Variants in KIAA1549 observed in about 807,000 individuals in gnomAD.
KIAA1549 encodes KIAA1549, also known as UPF0606 protein KIAA1549.
Under a neutral mutation model 156.4 loss-of-function variants are expected in KIAA1549, and 70 were observed. The ratio of observed to expected loss-of-function variants is 0.45; its 90% CI spans 0.37 to 0.55. KIAA1549 has a LOEUF of 0.55. Ranked by LOEUF, KIAA1549 falls within the 20% of genes least tolerant of loss-of-function variation. The probability of loss-of-function intolerance (pLI) is 0.00; values close to 1 mark genes in which losing one functional copy is unlikely to be tolerated. For synonymous variants in KIAA1549, 1,103 were observed against 1,066.4 expected, an observed-to-expected ratio of 1.03 and a Z score of -0.67; for missense variants, 2,428 against 2,540.9, an observed-to-expected ratio of 0.96 and a Z score of 0.96.
chr7:138,900,952 A>G (rs1463098447), intron 8 of KIAA1549, among the ~76,000 whole-genome samples: 1 of 152,228 alleles, frequency 6.6e-6, no homozygotes, highest in Non-Finnish European at 1.5e-5. Flanking sequence ...GGCAACATCA[A>G]TGGACTAAGA....
In KIAA1549 at chr7:138,838,080, A is replaced by G. The variant is rs1200723931; in HGVS notation, c.5679T>C (p.Ala1893=). The G allele has an allele frequency of 1.3e-6, 2 of 1,583,940 alleles. No individual in the cohort carries two copies. Among genetic ancestry groups the G allele is most frequent in the Non-Finnish European group, 1.7e-6 (2 of 1,166,438 alleles). The change falls in exon 20 of 20, where the codon GCT becomes GCC. Residue 1893 remains alanine (A), a synonymous_variant. Transcript: ENST00000422774. ...CCCGGTGGGGGAGGTTCCCGGAAGG[A>G]GCTGAGGGCTCCCTGCCTGAAGTCC... ...VPRTSGREPS[A]PSGNLPHRGL... is the part of the protein sequence containing the mutation.
chr7:138,945,786 G>A (rs1460685853), intron 1 of KIAA1549, among the ~76,000 whole-genome samples: 1 of 152,098 alleles, frequency 6.6e-6, no homozygotes, highest in East Asian at 1.9e-4. Flanking sequence ...TCACGGCTCG[G>A]CATAGTGGCT....
chr7:138,837,191 T>C lies in KIAA1549; in HGVS notation c.*715A>G, dbSNP rs1252536649. On this transcript the variant is annotated 3_prime_UTR_variant, in exon 20 of 20. Coordinates refer to ENST00000422774, the MANE Select transcript of KIAA1549 (RefSeq NM_001164665.2). Reference sequence around the variant, plus strand: ...CCCACTTTGGGAGGGATTTTTTTTTTCTAGAACAAAATGAAACCTTCAACA... The same window carrying C: ...CCCACTTTGGGAGGGATTTTTTTTTCCTAGAACAAAATGAAACCTTCAACA... The C allele has an allele frequency of 4.4e-6, 1 of 226,432 alleles. No homozygotes were observed. Among genetic ancestry groups the C allele is most frequent in the East Asian group, 6.4e-5 (1 of 15,614 alleles). The allele number at this position is 226,432 out of a possible 1,614,324, so 14.0% of individuals were successfully genotyped here.
chr7:138,895,271 T>C (rs7792926), intron 9 of KIAA1549, among the ~76,000 whole-genome samples: 51,797 of 152,106 alleles, frequency 0.34, 11,662 homozygotes, highest in African/African-American at 0.65. Context: ...ATACGACATG[T>C]GCACCAGTGC....
intron 17 of KIAA1549, among the ~76,000 whole-genome samples, chr7:138,849,518 G>C (rs528447840): frequency 2.8e-4 from 42 of 151,732 alleles, no homozygotes; most frequent in African/African-American, 8.5e-4. Context: ...TTACTTACAA[G>C]AGTACTAATT....
At chr7:138,944,697 A>G (rs1394969838) in intron 1 of KIAA1549, among the ~76,000 whole-genome samples, 3 of 152,258 alleles carry the variant, frequency 2.0e-5, no homozygotes. Flanking sequence ...CATAAAATGC[A>G]ATACTATTCA....
chr7:138,890,679 A>G (rs1165205558), intron 10 of KIAA1549, among the ~76,000 whole-genome samples: 1 of 152,226 alleles, frequency 6.6e-6, no homozygotes, highest in Non-Finnish European at 1.5e-5. Context: ...AGAATCAAAC[A>G]GCAACCATAG....
chr7:138,905,182 A>C, intron 6 of KIAA1549, 101 bp from the exon 7 acceptor site: 1 of 785,206 alleles, frequency 1.3e-6, no homozygotes, highest in South Asian at 1.5e-5. Flanking sequence ...TTTAGCTCTA[A>C]ATGTGAAAGA....
intron 16 of KIAA1549, among the ~76,000 whole-genome samples, chr7:138,854,818 A>G (rs1014696632): frequency 2.0e-5 from 3 of 152,214 alleles, no homozygotes; most frequent in African/African-American, 7.2e-5. Context: ...ATAAGGCATT[A>G]TCAGGGAATC....
At chr7:138,888,923 T>G (rs1425914722) in intron 10 of KIAA1549, among the ~76,000 whole-genome samples, 1 of 152,230 alleles carries the variant, frequency 6.6e-6, no homozygotes, top group African/African-American at 2.4e-5. Context: ...CAGCTGATGA[T>G]AAAAATCCTA....
intron 1 of KIAA1549, among the ~76,000 whole-genome samples, chr7:138,976,844 C>T (rs1814394822): frequency 6.6e-6 from 1 of 152,176 alleles, no homozygotes; most frequent in African/African-American, 2.4e-5. Flanking sequence ...ATGAAGATTC[C>T]CAGGCACTGC....
Position 138,912,449 on chromosome 7 carries a change from T to C in KIAA1549, c.2890A>G (p.Arg964Gly). The change falls in exon 3 of 20, where the codon AGA becomes GGA. Residue 964 changes from arginine to glycine, a missense_variant. By Grantham distance (125) the Arg-to-Gly change is moderately radical. Around this residue, in one of 5 missense-constraint regions of KIAA1549, gnomAD observed 762 missense variants for 901.6 expected, o/e 0.85. Coordinates refer to ENST00000422774, the MANE Select transcript of KIAA1549 (RefSeq NM_001164665.2). Reference sequence around the variant, plus strand: ...GTAATGATGTACTCCTGCACAGCTCTTCTGGCCAGCACTGCAAATGAAAGC... The same window carrying C: ...GTAATGATGTACTCCTGCACAGCTCCTCTGGCCAGCACTGCAAATGAAAGC... ...AYLITTVLAR[R>G]AVQEYIITAI... 6.2e-7 allele frequency: 1 copy of C among 1,613,742 alleles called. No homozygotes were observed. The highest frequency in any genetic ancestry group is 8.5e-7 in the Non-Finnish European group (1 of 1,179,726).
intron 10 of KIAA1549, among the ~76,000 whole-genome samples, chr7:138,886,505 G>T (rs1811394777): frequency 6.6e-6 from 1 of 152,082 alleles, no homozygotes; most frequent in African/African-American, 2.4e-5. Flanking sequence ...TGGAACTGCA[G>T]GGCTCAAGCA....
At chr7:138,863,508 A>G (rs748442867) in intron 15 of KIAA1549, among the ~76,000 whole-genome samples, 21 of 152,212 alleles carry the variant, frequency 1.4e-4, no homozygotes, top group Non-Finnish European at 2.8e-4. Flanking sequence ...GGACCATACA[A>G]AACTAGTAAC....
In KIAA1549 at chr7:138,869,718, C is replaced by A. The variant is rs758151722; in HGVS notation, c.4595G>T (p.Arg1532Leu). The A allele has an allele frequency of 6.2e-7, 1 of 1,611,778 alleles. No homozygotes were observed. Residue 1532 changes from arginine to leucine, a missense_variant, in exon 14 of 20, where the codon CGC (arginine) becomes CTC (leucine). This residue lies in a region of KIAA1549 where 404 missense variants were observed against 417.0 expected (regional missense o/e 0.97). Coordinates refer to ENST00000422774, the MANE Select transcript of KIAA1549 (RefSeq NM_001164665.2). ...CTTGGCGCGCAGGCGGATCTTGTTG[C>A]GATGGTGCTCGATCTCAGACTTGTG... ...LRHKSEIEHH[R>L]NKIRLRAKRR...
At chr7:138,933,182 A>G (rs1015705606) in intron 1 of KIAA1549, among the ~76,000 whole-genome samples, 1 of 152,214 alleles carries the variant, frequency 6.6e-6, no homozygotes, top group Non-Finnish European at 1.5e-5. Flanking sequence ...GTTTCACTGC[A>G]TGAGGCAGGG....
chr7:138,873,507 G>A (rs781186255), intron 12 of KIAA1549, among the ~76,000 whole-genome samples: 12 of 151,344 alleles, frequency 7.9e-5, no homozygotes, highest in Non-Finnish European at 1.2e-4. Flanking sequence ...ACAGAGGGTA[G>A]CCCATTAAGC....
intron 10 of KIAA1549, 75 bp downstream of exon 10, chr7:138,894,267 A>G (rs1203450191): frequency 2.1e-6 from 3 of 1,408,114 alleles, no homozygotes; most frequent in Non-Finnish European, 3.0e-6. Flanking sequence ...TTTCAGTATC[A>G]AGAGCCCAAA....
chr7:138,931,003 T>C (rs981717723), intron 1 of KIAA1549, among the ~76,000 whole-genome samples: 1 of 152,178 alleles, frequency 6.6e-6, no homozygotes, highest in Non-Finnish European at 1.5e-5. Flanking sequence ...AGTTATAAAC[T>C]GGACTAATTT....
Sources: allele counts gnomAD v4.1 joint callset (sites outside exome capture counted in the v4.1 genomes callset), GRCh38; gene constraint gnomAD v4.1.1; regional missense constraint gnomAD v4.1.1; transcripts MANE v1.5; gene names NCBI Gene and HGNC (gene_info 2026-07-23, HGNC 2026-07-21).